Variants in MELK observed in about 807,000 individuals in gnomAD.
MELK encodes the protein maternal embryonic leucine zipper kinase.
MELK carries 81 observed loss-of-function variants against 85.0 expected under a neutral mutation model. The observed-to-expected ratio is 0.95, with a 90% CI of 0.80 to 1.15. The LOEUF (loss-of-function observed/expected upper bound fraction) is 1.15. Among genes scored for constraint, MELK ranks in the 50% most tolerant of loss-of-function variants. The pLI is 0.00. For missense variants in MELK, 754 were observed against 777.5 expected, an observed-to-expected ratio of 0.97 and a Z score of 0.36; for synonymous variants, 252 against 265.0, an observed-to-expected ratio of 0.95 and a Z score of 0.48.
At chr9:36,599,554 A>G in intron 7 of MELK, 68 bp downstream of exon 7, 1 of 1,170,330 alleles carries the variant, frequency 8.5e-7, no homozygotes. Flanking sequence ...GTAGTGAGTC[A>G]GGCACTGTGC....
intron 13 of MELK, among the ~76,000 whole-genome samples, chr9:36,658,701 T>C (rs77251133): frequency 0.022 from 2,906 of 131,682 alleles, 81 homozygotes; most frequent in African/African-American, 0.074. Context: ...TTTTTGTTTG[T>C]TTGTTTGTTT....
chr9:36,621,316 A>AAAAAAAAC (rs1827423250), intron 8 of MELK, among the ~76,000 whole-genome samples: 1 of 132,274 alleles, frequency 7.6e-6, no homozygotes, highest in African/African-American at 3.0e-5. Context: ...AAAAAAAAAA[A>AAAAAAAAC]ACTTGAGTAG....
intron 5 of MELK, among the ~76,000 whole-genome samples, chr9:36,596,799 TG>T (rs1824332580): frequency 6.6e-6 from 1 of 150,908 alleles, no homozygotes; most frequent in Admixed American, 6.6e-5. Flanking sequence ...TTGGTCAGGC[TG>T]GTCTCGAACT....
chr9:36,642,675 C>T (rs889355972), intron 10 of MELK, among the ~76,000 whole-genome samples: 3 of 151,924 alleles, frequency 2.0e-5, no homozygotes, highest in Admixed American at 6.6e-5. Context: ...GTGATCTGCC[C>T]GCCCCAGCCT....
chr9:36,604,935 G>A (rs1410171285), intron 7 of MELK, among the ~76,000 whole-genome samples: 2 of 151,276 alleles, frequency 1.3e-5, no homozygotes, highest in South Asian at 2.1e-4. Flanking sequence ...GAGCCACTGC[G>A]CCCAGCCATT....
intron 15 of MELK, 24 bp from the exon 16 acceptor site, chr9:36,670,974 G>A: frequency 6.3e-7 from 1 of 1,592,114 alleles, no homozygotes; most frequent in African/African-American, 1.4e-5. Flanking sequence ...CTCTACTTGT[G>A]CCTTGTTTTA....
At chr9:36,601,703 A>G (rs138418604) in intron 7 of MELK, among the ~76,000 whole-genome samples, 1 of 152,280 alleles carries the variant, frequency 6.6e-6, no homozygotes, top group Non-Finnish European at 1.5e-5. Flanking sequence ...CTGAAACTTT[A>G]TACCTGTTAA....
At chr9:36,649,344 GGGTGTGGTGGCGGGCGCCTGT>G (rs1830488617) in intron 11 of MELK, among the ~76,000 whole-genome samples, 1 of 152,032 alleles carries the variant, frequency 6.6e-6, no homozygotes, top group Non-Finnish European at 1.5e-5. Flanking sequence ...AAAAATAGCC[GGGTGTGGTGGCGGGCGCCTGT>G]AGTCCCAGCT....
chr9:36,631,116 A>T (rs1176340268), intron 9 of MELK, among the ~76,000 whole-genome samples: 1 of 151,222 alleles, frequency 6.6e-6, no homozygotes, highest in Non-Finnish European at 1.5e-5. Flanking sequence ...GGCGTGTGCC[A>T]CTATGCCTGG....
At chr9:36,627,719 G>C (rs369349970) in intron 8 of MELK, among the ~76,000 whole-genome samples, 47 of 151,826 alleles carry the variant, frequency 3.1e-4, no homozygotes, top group African/African-American at 1.1e-3. Context: ...TAGAGACGGG[G>C]TTTCTCCACA....
At chr9:36,579,481 T>C (rs952914428) in intron 1 of MELK, among the ~76,000 whole-genome samples, 12 of 152,240 alleles carry the variant, frequency 7.9e-5, no homozygotes, top group African/African-American at 2.2e-4. Flanking sequence ...TAAGTATTAA[T>C]TTGTTGTCTA....
chr9:36,615,854 G>A (rs1029209101), intron 8 of MELK, among the ~76,000 whole-genome samples: 1 of 150,028 alleles, frequency 6.7e-6, no homozygotes, highest in Non-Finnish European at 1.5e-5. Context: ...GGGCGGAGAC[G>A]CTCCTCACTT....
intron 6 of MELK, among the ~76,000 whole-genome samples, chr9:36,599,067 G>A (rs951569460): frequency 2.0e-5 from 3 of 152,084 alleles, no homozygotes; most frequent in Non-Finnish European, 2.9e-5. Flanking sequence ...AGGCCGAGGC[G>A]GGTGGATCAC....
At chr9:36,649,431 G>A (rs1461033305) in intron 11 of MELK, among the ~76,000 whole-genome samples, 1 of 152,094 alleles carries the variant, frequency 6.6e-6, no homozygotes, top group Non-Finnish European at 1.5e-5. Context: ...AGCTTGCAGT[G>A]ACCCAAGATC....
chr9:36,615,220 A>G (rs1385318171), intron 8 of MELK, among the ~76,000 whole-genome samples: 17 of 103,064 alleles, frequency 1.6e-4, no homozygotes, highest in South Asian at 3.7e-4. Flanking sequence ...CCTCCCTCCC[A>G]GACGGCACGG....
chr9:36,675,907 A>G (rs1350255881), intron 17 of MELK, among the ~76,000 whole-genome samples: 5 of 152,182 alleles, frequency 3.3e-5, no homozygotes, highest in African/African-American at 1.2e-4. Context: ...TGCAGATATA[A>G]TTTTTAGTTT....
At chr9:36,577,880 C>T (rs1037542160) in intron 1 of MELK, among the ~76,000 whole-genome samples, 3 of 151,504 alleles carry the variant, frequency 2.0e-5, no homozygotes, top group African/African-American at 7.3e-5. Context: ...CTTGAACTCC[C>T]GACCTCAGGT....
At position 36,674,827 on chromosome 9, in the gene MELK, T is replaced by G. The variant is rs549691936; in HGVS notation, c.1675-7T>G. ...TTACTTCTCATCTCTTCTTTTTCTTTTCTTAGCTTCACTATAACGTGACTA... is the reference window on the plus strand; with the variant it reads ...TTACTTCTCATCTCTTCTTTTTCTTGTCTTAGCTTCACTATAACGTGACTA... On this transcript the variant is annotated splice_region_variant and splice_polypyrimidine_tract_variant and intron_variant, in intron 16 of 17. Transcript: ENST00000298048. 20 of 1,520,114 alleles carry G rather than the reference T, an allele frequency of 1.3e-5. No individual in the cohort carries two copies. The Admixed American group carries it at 3.1e-4, about 23-fold the overall frequency. The allele number at this position is 1,520,114 out of a possible 1,614,324, so 94.2% of individuals were successfully genotyped here. A position where few individuals can be genotyped will look rare whatever the true frequency, so the allele number is the denominator to read the frequency against.
chr9:36,605,783 T>A (rs1010452999), intron 7 of MELK, among the ~76,000 whole-genome samples: 6 of 151,570 alleles, frequency 4.0e-5, no homozygotes, highest in African/African-American at 1.2e-4. Context: ...TCAAGTTATT[T>A]TAACTGTTTT....
Sources: allele counts gnomAD v4.1 joint callset (sites outside exome capture counted in the v4.1 genomes callset), GRCh38; gene constraint gnomAD v4.1.1; transcripts MANE v1.5; gene names NCBI Gene and HGNC (gene_info 2026-07-23, HGNC 2026-07-21).